ARHGAP28: variants seen among roughly 807,000 people sequenced by gnomAD.
The protein encoded by ARHGAP28 is rho GTPase-activating protein 28.
In ARHGAP28, 56 loss-of-function variants were observed where a neutral mutation model predicts 90.7. The ratio of observed to expected loss-of-function variants is 0.62; its 90% CI spans 0.50 to 0.77. The LOEUF (loss-of-function observed/expected upper bound fraction) is 0.77, where lower values mean the gene tolerates loss of function less well. Among genes scored for constraint, ARHGAP28 ranks in the 30% least tolerant of loss-of-function variants. ARHGAP28 has a pLI of 0.00. For missense variants in ARHGAP28, 869 were observed against 900.9 expected (o/e 0.96, Z 0.45); for synonymous variants, 308 against 323.3 (o/e 0.95, Z 0.51).
chr18:6,841,066 A>G (rs1192072058), intron 3 of ARHGAP28, among the ~76,000 whole-genome samples: 1 of 150,814 alleles, frequency 6.6e-6, no homozygotes, highest in Non-Finnish European at 1.5e-5. Context: ...TTGACAACAT[A>G]AACACCAATT....
intron 1 of ARHGAP28, among the ~76,000 whole-genome samples, chr18:6,738,803 AG>A (rs1384986279): frequency 6.6e-6 from 1 of 152,204 alleles, no homozygotes; most frequent in African/African-American, 2.4e-5. Flanking sequence ...ACGCAGTCAA[AG>A]AAGTGAGGAC....
At chr18:6,875,947 A>C (rs1319970028) in intron 9 of ARHGAP28, among the ~76,000 whole-genome samples, 184 bp from the exon 10 acceptor site, 1 of 152,182 alleles carries the variant, frequency 6.6e-6, no homozygotes, top group Non-Finnish European at 1.5e-5. Context: ...CTACTTTCTC[A>C]TTTGCATGTC....
intron 11 of ARHGAP28, among the ~76,000 whole-genome samples, chr18:6,883,239 ATTT>A (rs34238467): frequency 2.6e-3 from 375 of 142,172 alleles, no homozygotes; most frequent in Non-Finnish European, 2.5e-3. Flanking sequence ...TCAGGCACTA[ATTT>A]TTTTTTTTTT....
chr18:6,839,403 C>CCCCCCT (rs2056782853), intron 3 of ARHGAP28, among the ~76,000 whole-genome samples: 1 of 151,600 alleles, frequency 6.6e-6, no homozygotes, highest in African/African-American at 2.4e-5. Context: ...ACGCCATTCT[C>CCCCCCT]CCCCCTCAGC....
intron 2 of ARHGAP28, among the ~76,000 whole-genome samples, chr18:6,835,886 T>C (rs900415930): frequency 3.9e-5 from 6 of 152,204 alleles, no homozygotes; most frequent in African/African-American, 1.4e-4. Flanking sequence ...CATAGGCACC[T>C]AATCCTTTTG....
intron 2 of ARHGAP28, among the ~76,000 whole-genome samples, chr18:6,831,471 GTTTTTT>G (rs57331018): frequency 9.1e-6 from 1 of 109,306 alleles, no homozygotes; most frequent in Non-Finnish European, 1.8e-5. Context: ...GTATCTTGAT[GTTTTTT>G]TTTTTTTTTT....
chr18:6,890,353 C>T (rs189214986), intron 13 of ARHGAP28, 77 bp from the exon 14 acceptor site: 201 of 934,626 alleles, frequency 2.2e-4, no homozygotes, highest in Admixed American at 1.8e-3. Flanking sequence ...GGAGGAGTTG[C>T]CATGCCTGAA....
At chr18:6,868,066 C>T (rs1309244096) in intron 5 of ARHGAP28, 84 bp from the exon 6 acceptor site, 1 of 1,126,430 alleles carries the variant, frequency 8.9e-7, no homozygotes, top group East Asian at 2.4e-5. Flanking sequence ...CTCTTGTATA[C>T]TGCAGAACAT....
At chr18:6,749,814 T>G (rs2056054519) in intron 1 of ARHGAP28, among the ~76,000 whole-genome samples, 1 of 152,144 alleles carries the variant, frequency 6.6e-6, no homozygotes, top group African/African-American at 2.4e-5. Context: ...TGAAAATGAG[T>G]GTTCTATTTT....
At chr18:6,758,976 A>G (rs1172814456) in intron 1 of ARHGAP28, among the ~76,000 whole-genome samples, 1 of 152,224 alleles carries the variant, frequency 6.6e-6, no homozygotes, top group South Asian at 2.1e-4. Flanking sequence ...TAAAAATCAT[A>G]CTTAATCACA....
chr18:6,773,139 G>A (rs1287882302), intron 1 of ARHGAP28, among the ~76,000 whole-genome samples: 2 of 152,048 alleles, frequency 1.3e-5, no homozygotes, highest in Admixed American at 6.6e-5. Flanking sequence ...CTGAAATTAC[G>A]CATTTATCCA....
chr18:6,889,268 A>AT (rs973784037), intron 12 of ARHGAP28, among the ~76,000 whole-genome samples: 2 of 151,784 alleles, frequency 1.3e-5, no homozygotes, highest in Non-Finnish European at 2.9e-5. Context: ...TCAATTCTTT[A>AT]TTTTTTTTAA....
chr18:6,804,994 T>A (rs570997362), intron 1 of ARHGAP28, among the ~76,000 whole-genome samples: 1 of 152,344 alleles, frequency 6.6e-6, no homozygotes, highest in African/African-American at 2.4e-5. Flanking sequence ...AAGTTACTTA[T>A]TATTTATATT....
intron 1 of ARHGAP28, among the ~76,000 whole-genome samples, chr18:6,741,336 C>G (rs371184836): frequency 3.7e-4 from 57 of 152,258 alleles, no homozygotes; most frequent in South Asian, 1.2e-3. Context: ...ATTACAAGGT[C>G]GACTTGGCAA....
rs1600219656 is a variant in ARHGAP28 at position 6,826,336 on chromosome 18, CTTG to C, written c.325+1376_325+1378del. ...TTTTAATGGAGTTATTTGCTTTTCG[CTTG>C]TTGATTTGTTTAAACTCCTTATAGA... On this transcript the variant is annotated intron_variant, in intron 2 of 17. Transcript: ENST00000383472. Among the ~76,000 whole-genome samples, 3 of 151,982 alleles carry C rather than the reference CTTG, an allele frequency of 2.0e-5. No homozygotes were observed. The South Asian group carries it at 6.2e-4, about 32-fold the overall frequency.
chr18:6,820,535 G>T (rs2056619776), intron 1 of ARHGAP28, among the ~76,000 whole-genome samples: 1 of 152,190 alleles, frequency 6.6e-6, no homozygotes. Context: ...CAAAATTGAT[G>T]AAAGACATTA....
chr18:6,803,246 G>C (rs999012671), intron 1 of ARHGAP28, among the ~76,000 whole-genome samples: 4 of 152,200 alleles, frequency 2.6e-5, no homozygotes, highest in African/African-American at 9.6e-5. Context: ...ATAGGTTGAG[G>C]TAGTACCCTT....
intron 1 of ARHGAP28, among the ~76,000 whole-genome samples, chr18:6,813,389 A>G (rs143727118): frequency 1.3e-5 from 2 of 152,274 alleles, no homozygotes; most frequent in South Asian, 4.2e-4. Flanking sequence ...TAGCCAGTGT[A>G]TTTGGTCTGC....
intron 1 of ARHGAP28, among the ~76,000 whole-genome samples, chr18:6,811,141 G>A (rs1416982686): frequency 6.6e-6 from 1 of 152,188 alleles, no homozygotes; most frequent in Non-Finnish European, 1.5e-5. Context: ...CCAATTGATT[G>A]TAAAAGTATC....
Sources: allele counts gnomAD v4.1 joint callset (sites outside exome capture counted in the v4.1 genomes callset), GRCh38; gene constraint gnomAD v4.1.1; transcripts MANE v1.5; gene names NCBI Gene and HGNC (gene_info 2026-07-23, HGNC 2026-07-21).